Variants in HNRNPLL observed in about 807,000 individuals in gnomAD.
The protein encoded by HNRNPLL is heterogeneous nuclear ribonucleoprotein L like, also known as heterogeneous nuclear ribonucleoprotein L-like.
HNRNPLL carries 25 observed loss-of-function variants against 67.1 expected under a neutral mutation model. The ratio of observed to expected loss-of-function variants is 0.37; its 90% confidence interval spans 0.27 to 0.52. HNRNPLL has a LOEUF of 0.52. Among genes scored for constraint, HNRNPLL ranks in the 20% least tolerant of loss-of-function variants. HNRNPLL has a pLI of 0.90. For synonymous variants in HNRNPLL, 267 were observed against 241.7 expected (o/e 1.10, Z -0.97); for missense variants, 542 against 673.9 (o/e 0.80, Z 2.17).
At chr2:38,570,618 A>G (rs1666040746) in intron 8 of HNRNPLL, among the ~76,000 whole-genome samples, 2 of 152,212 alleles carry the variant, frequency 1.3e-5, no homozygotes, top group Admixed American at 6.5e-5. Flanking sequence ...TGTAAGGGTT[A>G]GAAGGTATGA....
intron 2 of HNRNPLL, among the ~76,000 whole-genome samples, chr2:38,588,546 CAAA>C (rs70954733): frequency 2.2e-4 from 11 of 51,010 alleles, no homozygotes; most frequent in Admixed American, 2.4e-4. Context: ...AACTCCATCT[CAAA>C]AAAAAAAAAA....
intron 1 of HNRNPLL, among the ~76,000 whole-genome samples, chr2:38,593,473 G>C (rs1558545321): frequency 6.6e-6 from 1 of 152,176 alleles, no homozygotes. Flanking sequence ...TTCATTCTTA[G>C]AAATCAGGTG....
intron 6 of HNRNPLL, chr2:38,577,847 C>T: frequency 2.2e-6 from 1 of 461,548 alleles, no homozygotes; most frequent in Non-Finnish European, 4.4e-6. Flanking sequence ...AGAAGTTTGA[C>T]ACTGTACAGA....
intron 10 of HNRNPLL, 139 bp from the exon 11 acceptor site, chr2:38,568,582 T>C (rs774070686): frequency 7.5e-5 from 45 of 602,166 alleles, no homozygotes; most frequent in Non-Finnish European, 5.3e-5. Context: ...TCTACATTAA[T>C]ATCAAGCTGT....
intron 1 of HNRNPLL, among the ~76,000 whole-genome samples, chr2:38,597,413 T>C (rs1667239818): frequency 6.6e-6 from 1 of 152,236 alleles, no homozygotes; most frequent in Non-Finnish European, 1.5e-5. Flanking sequence ...TTTCCAGACA[T>C]AAAACTATCC....
chr2:38,571,919 G>T (rs1405370025), intron 8 of HNRNPLL, among the ~76,000 whole-genome samples: 2 of 152,078 alleles, frequency 1.3e-5, no homozygotes, highest in Non-Finnish European at 2.9e-5. Context: ...GAGACAATTA[G>T]TTCACAACAC....
chr2:38,591,975 CA>C (rs202223559), intron 1 of HNRNPLL, among the ~76,000 whole-genome samples: 1 of 150,368 alleles, frequency 6.7e-6, no homozygotes, highest in Admixed American at 6.6e-5. Context: ...GACTCCATCT[CA>C]AAAAAAACAA....
intron 7 of HNRNPLL, among the ~76,000 whole-genome samples, chr2:38,575,280 T>C (rs867199162): frequency 1.7e-4 from 26 of 151,916 alleles, no homozygotes; most frequent in Admixed American, 1.1e-3. Context: ...ACTAAATTGA[T>C]AATAGAAAGT....
intron 12 of HNRNPLL, among the ~76,000 whole-genome samples, chr2:38,566,380 C>CA (rs71402235): frequency 0.17 from 20,750 of 118,796 alleles, 2,544 homozygotes; most frequent in African/African-American, 0.38. Flanking sequence ...AAAAAAAAAC[C>CA]AAAAAAAAAA....
rs577553653 is a variant in HNRNPLL, at chr2:38,602,702, G to C, written c.-76C>G. ...CGCGCGCCTCGGATGCCGCCGGCCAGTCCTCGCCGCCGGCAGCGCCTCTTC... is the reference window on the plus strand; with the variant it reads ...CGCGCGCCTCGGATGCCGCCGGCCACTCCTCGCCGCCGGCAGCGCCTCTTC... On this transcript the variant is annotated 5_prime_UTR_variant, in exon 1 of 13. Coordinates refer to ENST00000449105, the MANE Select transcript of HNRNPLL (RefSeq NM_138394.4). The C allele has an allele frequency of 1.2e-4, 168 of 1,431,446 alleles. No individual in the cohort carries two copies. In the South Asian group the frequency reaches 2.2e-3, roughly 19 times the overall value. The allele number at this position is 1,431,446 out of a possible 1,614,324, so 88.7% of individuals were successfully genotyped here. A position where few individuals can be genotyped will look rare whatever the true frequency, so the allele number is the denominator to read the frequency against.
intron 1 of HNRNPLL, among the ~76,000 whole-genome samples, chr2:38,595,748 G>A (rs1667161693): frequency 6.6e-6 from 1 of 152,194 alleles, no homozygotes. Context: ...GAAGGCTGAG[G>A]CAGGAGAATG....
intron 1 of HNRNPLL, among the ~76,000 whole-genome samples, chr2:38,597,848 C>G (rs1015644991): frequency 6.6e-6 from 1 of 152,002 alleles, no homozygotes; most frequent in African/African-American, 2.4e-5. Flanking sequence ...CCACCACACC[C>G]GGCTAATTTT....
Position 38,563,168 on chromosome 2 carries a change from A to AG in HNRNPLL, c.*1013dup, listed in dbSNP as rs1441139954. ...ATGTATAAAATCTATTATCTTAAAAAGAAAAAAAAAACAGATCCAGTGGGA... is the reference window on the plus strand; with the variant it reads ...ATGTATAAAATCTATTATCTTAAAAAGGAAAAAAAAAACAGATCCAGTGGGA... On this transcript the variant is annotated 3_prime_UTR_variant, in exon 13 of 13. Coordinates refer to ENST00000449105, the MANE Select transcript of HNRNPLL (RefSeq NM_138394.4). 6.6e-6 allele frequency: 1 copy of AG among 151,972 alleles called. No homozygotes were observed. The highest frequency in any genetic ancestry group is 2.4e-5 in the African/African-American group (1 of 41,424). 9.4% of individuals were successfully genotyped at this position (151,972 alleles called of 1,614,324 possible).
At position 38,570,148 on chromosome 2, in the gene HNRNPLL, C is replaced by T. The variant is rs911880516; in HGVS notation, c.1093-223G>A. 2.0e-5 allele frequency among the ~76,000 whole-genome samples: 3 copies of T among 152,144 alleles called. 1 individual carries two copies. The highest frequency in any genetic ancestry group is 7.2e-5 in the African/African-American group (3 of 41,430). The stretch of plus-strand genomic sequence containing the variant: ...CCACTGAAGAACAGCACAGGCTCAC[C>T]CTAACTCTGTTATGTATTAATTGTG... On this transcript the variant is annotated intron_variant, in intron 8 of 12. Transcript: ENST00000449105.
intron 1 of HNRNPLL, 85 bp from the exon 2 acceptor site, chr2:38,591,733 T>C: frequency 1.3e-6 from 1 of 782,136 alleles, no homozygotes; most frequent in Non-Finnish European, 2.1e-6. Flanking sequence ...CCCTGCACTT[T>C]GGGAGGTCAA....
At chr2:38,567,820 C>A (rs1231284913) in intron 12 of HNRNPLL, among the ~76,000 whole-genome samples, 1 of 152,184 alleles carries the variant, frequency 6.6e-6, no homozygotes, top group Non-Finnish European at 1.5e-5. Context: ...ATTGAGCCTA[C>A]ACACAACCAT....
intron 8 of HNRNPLL, among the ~76,000 whole-genome samples, chr2:38,571,227 TAAC>T (rs1666069629): frequency 6.6e-6 from 1 of 152,098 alleles, no homozygotes; most frequent in South Asian, 2.1e-4. Flanking sequence ...AGTAATAGAC[TAAC>T]AAAATAATAA....
rs1410718599 is a variant in HNRNPLL, at chr2:38,596,335, C to A, written c.190-4687G>T. Among the ~76,000 whole-genome samples, 9 of 6,846 alleles carry A rather than the reference C, an allele frequency of 1.3e-3. No individual in the cohort carries two copies. The Non-Finnish European group carries it at 0.11, about 80-fold the overall frequency. The allele number at this position is 6,846 out of a possible 152,430, so 4.5% of individuals were successfully genotyped here. On this transcript the variant is annotated intron_variant, in intron 1 of 12. Coordinates refer to ENST00000449105, the MANE Select transcript of HNRNPLL (RefSeq NM_138394.4). ...TGGAGTGCAGTGGCACAAGGTCTCA[C>A]TGCAAACCTGTCTCCTGGGTTCAAG...
chr2:38,584,738 C>T (rs190006464), intron 3 of HNRNPLL, among the ~76,000 whole-genome samples: 12 of 152,118 alleles, frequency 7.9e-5, no homozygotes, highest in African/African-American at 1.7e-4. Flanking sequence ...CTAAACAAGA[C>T]GCCTGAGTCA....
Sources: gnomAD v4.1 joint callset for allele counts (sites outside exome capture counted in the v4.1 genomes callset) on GRCh38, gnomAD v4.1.1 for gene constraint, MANE v1.5 for transcripts, NCBI Gene and HGNC (gene_info 2026-07-23, HGNC 2026-07-21) for gene names.